The following GPC6 variants were observed in gnomAD, a reference collection of about 807,000 sequenced individuals.
GPC6 encodes glypican 6.
Under a neutral mutation model 55.2 loss-of-function variants are expected in GPC6, and 14 were observed. The ratio of observed to expected loss-of-function variants is 0.25; its 90% CI spans 0.17 to 0.40. GPC6 has a LOEUF of 0.40. GPC6 is among the 10% of genes least tolerant of loss of function. The pLI is 1.00. For missense variants in GPC6, 641 were observed against 708.5 expected (o/e 0.90, Z 1.08); for synonymous variants, 278 against 259.6 (o/e 1.07, Z -0.68).
At chr13:94,192,578 A>G (rs1445531645) in intron 4 of GPC6, among the ~76,000 whole-genome samples, 1 of 152,186 alleles carries the variant, frequency 6.6e-6, no homozygotes, top group African/African-American at 2.4e-5. Context: ...CCATGCTATG[A>G]GGAGCTCAAG....
At chr13:93,267,484 T>A (rs561314767) in intron 1 of GPC6, among the ~76,000 whole-genome samples, 1 of 152,216 alleles carries the variant, frequency 6.6e-6, no homozygotes, top group Non-Finnish European at 1.5e-5. Context: ...TCACGTGAAA[T>A]TACAGCTAAA....
chr13:94,117,756 C>T (rs1388281079), intron 4 of GPC6, among the ~76,000 whole-genome samples: 2 of 152,096 alleles, frequency 1.3e-5, no homozygotes, highest in African/African-American at 2.4e-5. Context: ...CTATAGGATG[C>T]CCCATTTTAG....
chr13:93,422,990 A>G (rs1302933095), intron 1 of GPC6, among the ~76,000 whole-genome samples: 1 of 152,160 alleles, frequency 6.6e-6, no homozygotes, highest in African/African-American at 2.4e-5. Context: ...TAGGATGCAC[A>G]TTATTTTAAT....
At chr13:94,293,986 A>G (rs1875171808) in intron 5 of GPC6, among the ~76,000 whole-genome samples, 1 of 152,302 alleles carries the variant, frequency 6.6e-6, no homozygotes, top group South Asian at 2.1e-4. Context: ...AACCAAGCTT[A>G]CTACATTCAC....
intron 1 of GPC6, among the ~76,000 whole-genome samples, chr13:93,383,168 A>T (rs1202827214): frequency 6.6e-6 from 1 of 152,154 alleles, no homozygotes; most frequent in Admixed American, 6.5e-5. Flanking sequence ...AGTGCATTTG[A>T]TACCTCCCTA....
chr13:93,595,499 T>C (rs1056209442), intron 2 of GPC6, among the ~76,000 whole-genome samples: 1 of 152,204 alleles, frequency 6.6e-6, no homozygotes, highest in African/African-American at 2.4e-5. Context: ...TGGTATACTA[T>C]ATATTTTTGA....
intron 1 of GPC6, among the ~76,000 whole-genome samples, chr13:93,377,940 G>T (rs1156525930): frequency 1.3e-5 from 2 of 152,058 alleles, no homozygotes; most frequent in African/African-American, 4.8e-5. Flanking sequence ...CAAGTAAATC[G>T]GTTGTATTTT....
At chr13:94,097,364 G>A (rs570135312) in intron 4 of GPC6, among the ~76,000 whole-genome samples, 9 of 152,108 alleles carry the variant, frequency 5.9e-5, no homozygotes, top group Admixed American at 5.9e-4. Flanking sequence ...AAAATTAGCT[G>A]GGCGTGGTGG....
rs115999065 is a variant in GPC6 at position 93,250,423 on chromosome 13, C to T, written c.160+22807C>T. 7.4e-3 allele frequency among the ~76,000 whole-genome samples: 1,120 copies of T among 152,212 alleles called. 20 individuals are homozygous for T. Among genetic ancestry groups the T allele is most frequent in the African/African-American group, 0.026 (1,065 of 41,528 alleles). On this transcript the variant is annotated intron_variant, in intron 1 of 8. Coordinates refer to ENST00000377047, the MANE Select transcript of GPC6 (RefSeq NM_005708.5). Reference sequence around the variant, plus strand: ...TGCTCTTATTCAAGTTGGGAAGGACCGGGTAACTAGTCCCCTTCCTTTGGT... The same window carrying T: ...TGCTCTTATTCAAGTTGGGAAGGACTGGGTAACTAGTCCCCTTCCTTTGGT...
intron 1 of GPC6, among the ~76,000 whole-genome samples, chr13:93,336,986 CAT>C: frequency 6.6e-6 from 1 of 152,306 alleles, no homozygotes; most frequent in South Asian, 2.1e-4. Flanking sequence ...CCGTATTTAA[CAT>C]GTTAACTTTT....
chr13:93,652,973 C>A (rs1880484319), intron 2 of GPC6, among the ~76,000 whole-genome samples: 1 of 152,164 alleles, frequency 6.6e-6, no homozygotes, highest in Non-Finnish European at 1.5e-5. Flanking sequence ...ATGTCTCTTT[C>A]TATGCAACTT....
At chr13:93,535,246 T>C (rs1330651902) in intron 1 of GPC6, among the ~76,000 whole-genome samples, 3 of 152,180 alleles carry the variant, frequency 2.0e-5, no homozygotes, top group Admixed American at 6.5e-5. Context: ...AGGATTGCAC[T>C]TTCTCCTTCT....
At chr13:93,641,477 T>C (rs1879938092) in intron 2 of GPC6, among the ~76,000 whole-genome samples, 1 of 152,128 alleles carries the variant, frequency 6.6e-6, no homozygotes, top group African/African-American at 2.4e-5. Context: ...TCTTTCTTTC[T>C]CCATGTGTAA....
chr13:93,506,836 C>T (rs1880736067), intron 1 of GPC6, among the ~76,000 whole-genome samples: 1 of 128,820 alleles, frequency 7.8e-6, no homozygotes, highest in Non-Finnish European at 1.6e-5. Context: ...GTCAGGAGAT[C>T]AAATCCATCC....
chr13:93,396,146 T>G (rs1875847008), intron 1 of GPC6, among the ~76,000 whole-genome samples: 1 of 152,212 alleles, frequency 6.6e-6, no homozygotes, highest in Admixed American at 6.5e-5. Context: ...CTGAAATTGT[T>G]AGTTTTTATT....
chr13:94,378,901 T>G (rs1261362129), intron 6 of GPC6, among the ~76,000 whole-genome samples: 1 of 152,194 alleles, frequency 6.6e-6, no homozygotes, highest in East Asian at 1.9e-4. Context: ...GAAATTGTTC[T>G]AAATTTTGTA....
intron 2 of GPC6, among the ~76,000 whole-genome samples, chr13:93,617,449 C>G (rs2139550939): frequency 6.6e-6 from 1 of 152,166 alleles, no homozygotes; most frequent in East Asian, 1.9e-4. Context: ...AGAGATATAA[C>G]TTAAATAGAT....
At chr13:93,981,998 A>G (rs1455153952) in intron 3 of GPC6, among the ~76,000 whole-genome samples, 2 of 152,122 alleles carry the variant, frequency 1.3e-5, no homozygotes, top group East Asian at 3.8e-4. Flanking sequence ...TCATAATAGC[A>G]CTGCAGAACC....
intron 1 of GPC6, among the ~76,000 whole-genome samples, chr13:93,492,352 G>C (rs1183511688): frequency 7.6e-6 from 1 of 131,560 alleles, no homozygotes; most frequent in Non-Finnish European, 1.7e-5. Context: ...GAATGCTTGT[G>C]ATTTTTCTAC....
Sources: gnomAD v4.1 joint callset for allele counts (sites outside exome capture counted in the v4.1 genomes callset) on GRCh38, gnomAD v4.1.1 for gene constraint, MANE v1.5 for transcripts, NCBI Gene and HGNC (gene_info 2026-07-23, HGNC 2026-07-21) for gene names.